The following SPSB2 variants were observed in gnomAD, a reference collection of about 807,000 sequenced individuals.
SPSB2 encodes the protein SPRY domain-containing SOCS box protein 2.
In SPSB2, 25 loss-of-function variants were observed where a neutral mutation model predicts 19.2. That is an observed-to-expected ratio of 1.30 (90% CI 0.95 to 1.82). The LOEUF is 1.82. Ranked by LOEUF, SPSB2 falls within the 40% of genes most tolerant of loss-of-function variation. SPSB2 has a pLI of 0.00. For synonymous variants in SPSB2, 153 were observed against 154.9 expected (o/e 0.99, Z 0.09); for missense variants, 413 against 344.9 (o/e 1.20, Z -1.56).
Position 6,871,237 on chromosome 12 carries a change from G to A in SPSB2, c.747C>T (p.Ala249=), listed in dbSNP as rs781882573. Residue 249 remains alanine (A), a synonymous_variant, in exon 3 of 3, where the codon GCC becomes GCT. Transcript: ENST00000524270. ...LGDTRLGQVS[A]LPLPPAMKRY... is the part of the protein sequence containing the mutation. ...GCTTCATGGCAGGGGGCAAGGGCAG[G>A]GCAGACACCTGGCCGAGCCGGGTAT... 6.2e-6 allele frequency: 10 copies of A among 1,612,708 alleles called. No homozygotes were observed. The African/African-American group carries it at 1.1e-4, about 17-fold the overall frequency.
rs140296621 is a variant in SPSB2 at position 6,872,665 on chromosome 12, C to T, written c.237G>A (p.Arg79=). ...GGCCCCTTGAATAGCCCCTCTTACC[C>T]CGGGCCCCATCAGTGCTCTGGGCCA... The part of the protein sequence containing the change: ...RPVAQSTDGA[R]GKRGYSRGLH... Residue 79 remains arginine, a synonymous_variant, in exon 2 of 3, where the codon CGG becomes CGA. Coordinates refer to ENST00000524270, the MANE Select transcript of SPSB2 (RefSeq NM_032641.4). 1.7e-5 allele frequency: 28 copies of T among 1,612,460 alleles called. No homozygotes were observed. In the East Asian group the frequency reaches 6.2e-4, roughly 36 times the overall value.
intron 1 of SPSB2, 41 bp from the exon 2 acceptor site, chr12:6,873,038 G>A (rs1057379912): frequency 3.2e-6 from 2 of 624,850 alleles, no homozygotes; most frequent in Non-Finnish European, 5.5e-6. Flanking sequence ...CCTGGCGGGG[G>A]CTCGTCACCC....
intron 2 of SPSB2, 155 bp from the exon 3 acceptor site, chr12:6,871,474 TC>T: frequency 1.2e-6 from 1 of 809,520 alleles, no homozygotes; most frequent in Non-Finnish European, 1.9e-6. Context: ...AAGTTCTGCC[TC>T]CCAGATAAGA....
At chr12:6,872,018 G>A in intron 2 of SPSB2, 1 of 1,468,242 alleles carries the variant, frequency 6.8e-7, no homozygotes, top group South Asian at 1.4e-5. Flanking sequence ...CTGGCCAAGA[G>A]AACTTGAGAA....
At position 6,872,258 on chromosome 12, in the gene SPSB2, C is replaced by T. The variant is rs1944610321; in HGVS notation, c.644G>A (p.Arg215His). ...AVWGQCQVRI[R>H]YLGERRAEPH... ...CTCACCTCTCCTTTCGCCCAGGTAG[C>T]GGATGCGGACCTGGCACTGGCCCCA... Residue 215 changes from arginine to histidine, a missense_variant, in exon 2 of 3, where the codon CGC becomes CAC. Arg to His is a conservative substitution (Grantham distance 29). Coordinates refer to ENST00000524270, the MANE Select transcript of SPSB2 (RefSeq NM_032641.4). 2 of 1,614,142 alleles carry T rather than the reference C, an allele frequency of 1.2e-6. No homozygotes were observed. The highest frequency in any genetic ancestry group is 1.3e-5 in the African/African-American group (1 of 75,048).
chr12:6,872,085 G>A (rs781862852), intron 2 of SPSB2, 153 bp downstream of exon 2: 2 of 1,588,284 alleles, frequency 1.3e-6, no homozygotes, highest in South Asian at 2.2e-5. Context: ...TTAAATAACA[G>A]CTGTGAAGAC....
chr12:6,872,601 C>T lies in SPSB2; in HGVS notation c.301G>A (p.Gly101Ser), dbSNP rs1262085787. 1.9e-6 allele frequency: 3 copies of T among 1,608,430 alleles called. No individual in the cohort carries two copies. Among genetic ancestry groups the T allele is most frequent in the African/African-American group, 2.7e-5 (2 of 74,914 alleles). The change falls in exon 2 of 3, where the codon GGC becomes AGC. Residue 101 changes from glycine (G) to serine (S), a missense_variant. Gly to Ser is a moderately conservative substitution (Grantham distance 56). Transcript: ENST00000524270. The part of the protein sequence containing the change: ...WEISWPLEQR[G>S]THAVVGVATA... ...GCCACGCCCACCACGGCATGCGTGC[C>T]CCTCTGCTCTAGGGGCCAGCTGATC...
At chr12:6,871,607 C>A (rs1331521184) in intron 2 of SPSB2, 1 of 499,458 alleles carries the variant, frequency 2.0e-6, no homozygotes, top group South Asian at 2.4e-5. Context: ...GGCTTGGGAG[C>A]TGGGGCTGAG....
chr12:6,872,688 C>T lies in SPSB2; in HGVS notation c.214G>A (p.Ala72Thr), dbSNP rs782734853. ...CCCCGGGCCCCATCAGTGCTCTGGG[C>T]CACGGGCCGCCGCTCAAAGTACAAC... ...GGLYFERRPV[A>T]QSTDGARGKR... Residue 72 changes from alanine to threonine, a missense_variant, in exon 2 of 3, where the codon GCC (alanine) becomes ACC (threonine). Ala to Thr is a moderately conservative substitution (Grantham distance 58). Transcript: ENST00000524270. The T allele has an allele frequency of 1.4e-5, 22 of 1,612,478 alleles. No individual in the cohort carries two copies. The highest frequency in any genetic ancestry group is 1.8e-5 in the Non-Finnish European group (21 of 1,180,008).
Position 6,873,052 on chromosome 12 carries a change from T to C in SPSB2, c.-96-55A>G, listed in dbSNP as rs888406905. 28 of 591,522 alleles carry C rather than the reference T, an allele frequency of 4.7e-5. No individual in the cohort carries two copies. In the East Asian group the frequency reaches 7.9e-4, roughly 17 times the overall value. 36.6% of individuals were successfully genotyped at this position (591,522 alleles called of 1,614,324 possible). A position where few individuals can be genotyped will look rare whatever the true frequency, so the allele number is the denominator to read the frequency against. ...TCCTGGCGGGGGCTCGTCACCCAGGTACCCCATCCTTTCACCCAAGTTTGC... is the reference window on the plus strand; with the variant it reads ...TCCTGGCGGGGGCTCGTCACCCAGGCACCCCATCCTTTCACCCAAGTTTGC... On this transcript the variant is annotated intron_variant, in intron 1 of 2. Coordinates refer to ENST00000524270, the MANE Select transcript of SPSB2 (RefSeq NM_032641.4).
Position 6,871,079 on chromosome 12 carries a change from G to T in SPSB2, c.*113C>A. ...TTTCCGCAGAGCTTGGGTTGGGGTA[G>T]GGGCTCAGCCTCACCAGCTTTCAGC... On this transcript the variant is annotated 3_prime_UTR_variant, in exon 3 of 3. Transcript: ENST00000524270. 7.3e-7 allele frequency: 1 copy of T among 1,379,098 alleles called. No homozygotes were observed. Among genetic ancestry groups the T allele is most frequent in the South Asian group, 1.3e-5 (1 of 77,976 alleles). 85.4% of individuals were successfully genotyped at this position (1,379,098 alleles called of 1,614,324 possible). A position where few individuals can be genotyped will look rare whatever the true frequency, so the allele number is the denominator to read the frequency against.
Position 6,871,207 on chromosome 12 carries a change from G to A in SPSB2, c.777C>T (p.Tyr259=), listed in dbSNP as rs782075236. 6.2e-7 allele frequency: 1 copy of A among 1,605,098 alleles called. No individual in the cohort carries two copies. The highest frequency in any genetic ancestry group is 8.5e-7 in the Non-Finnish European group (1 of 1,175,888). The change falls in exon 3 of 3, where the codon TAC becomes TAT. Residue 259 remains tyrosine (Y), a synonymous_variant. Coordinates refer to ENST00000524270, the MANE Select transcript of SPSB2 (RefSeq NM_032641.4). ...ALPLPPAMKR[Y]LLYQ is the part of the protein sequence containing the mutation. The stretch of plus-strand genomic sequence containing the variant: ...ATCACAGGGCTCACTGGTAGAGCAG[G>A]TAGCGCTTCATGGCAGGGGGCAAGG...
At chr12:6,871,787 A>T (rs7308252) in intron 2 of SPSB2, 304,332 of 404,710 alleles carry the variant, frequency 0.75, 117,188 homozygotes, top group East Asian at 1. Flanking sequence ...GTCTCCATCC[A>T]GAGGTGTGGC....
At chr12:6,871,665 G>A in intron 2 of SPSB2, 1 of 376,266 alleles carries the variant, frequency 2.7e-6, no homozygotes, top group South Asian at 3.5e-5. Context: ...ACTGCAGAGA[G>A]CAGCTCCAAG....
rs1281949697 is a variant in SPSB2 at position 6,871,021 on chromosome 12, C to T, written c.*171G>A. On this transcript the variant is annotated 3_prime_UTR_variant, in exon 3 of 3. Coordinates refer to ENST00000524270, the MANE Select transcript of SPSB2 (RefSeq NM_032641.4). ...ATAGCCTTGAACGCCGGCTCCCTTTCTTCCTCCCTCCAAGTGGCTCTGGGG... is the reference window on the plus strand; with the variant it reads ...ATAGCCTTGAACGCCGGCTCCCTTTTTTCCTCCCTCCAAGTGGCTCTGGGG... 6.4e-6 allele frequency: 5 copies of T among 787,358 alleles called. No individual in the cohort carries two copies. The highest frequency in any genetic ancestry group is 1.0e-5 in the Non-Finnish European group (5 of 482,496). The allele number at this position is 787,358 out of a possible 1,614,324, so 48.8% of individuals were successfully genotyped here.
rs1944595839 is a variant in SPSB2 at position 6,871,613 on chromosome 12, C to T, written c.665-294G>A. 8.2e-6 allele frequency: 4 copies of T among 489,904 alleles called. No homozygotes were observed. In the Admixed American group the frequency reaches 1.1e-4, roughly 14 times the overall value. 30.3% of individuals were successfully genotyped at this position (489,904 alleles called of 1,614,324 possible). A position where few individuals can be genotyped will look rare whatever the true frequency, so the allele number is the denominator to read the frequency against. ...GACTCCAGAGGCTTGGGAGCTGGGG[C>T]TGAGGTGAGGAGGGATGGCCCTCCA... On this transcript the variant is annotated intron_variant, in intron 2 of 2. Transcript: ENST00000524270.
rs376571277 is a variant in SPSB2 at position 6,872,322 on chromosome 12, G to A, written c.580C>T (p.Leu194=). Residue 194 remains leucine (L), a synonymous_variant, in exon 2 of 3, where the codon CTG becomes TTG. Coordinates refer to ENST00000524270, the MANE Select transcript of SPSB2 (RefSeq NM_032641.4). ...GCCGGATAGAGGGTCCTGCCCTTCA[G>A]TCCGCGGAATGCTGGCCCCAGGTAG... ...GTYLGPAFRG[L]KGRTLYPAVS... is the part of the protein sequence containing the mutation. The A allele has an allele frequency of 1.1e-5, 18 of 1,614,100 alleles. No homozygotes were observed. Among genetic ancestry groups the A allele is most frequent in the Non-Finnish European group, 1.5e-5 (18 of 1,180,038 alleles).
In SPSB2 at chr12:6,872,508, C is replaced by T. The variant is rs1555133899; in HGVS notation, c.394G>A (p.Gly132Ser). Reference sequence around the variant, plus strand: ...AGCTTCCCCCGCCCGATGTCCCAGCCCCACGACTCGCTGTTGCTGCCCAGC... The same window carrying T: ...AGCTTCCCCCGCCCGATGTCCCAGCTCCACGACTCGCTGTTGCTGCCCAGC... Reference protein sequence around the residue: ...ALLGSNSESWGWDIGRGKLYH... With the variant: ...ALLGSNSESWSWDIGRGKLYH... The change falls in exon 2 of 3, where the codon GGC (glycine) becomes AGC (serine). Residue 132 changes from glycine to serine, a missense_variant. Coordinates refer to ENST00000524270, the MANE Select transcript of SPSB2 (RefSeq NM_032641.4). 1.2e-6 allele frequency: 2 copies of T among 1,612,586 alleles called. No individual in the cohort carries two copies. Among genetic ancestry groups the T allele is most frequent in the Admixed American group, 1.7e-5 (1 of 60,020 alleles).
chr12:6,873,148 A>C, intron 1 of SPSB2, 98 bp downstream of exon 1: 1 of 459,884 alleles, frequency 2.2e-6, no homozygotes, highest in Non-Finnish European at 3.9e-6. Flanking sequence ...GCCCCATCTG[A>C]TCCAGGTCGC....
Sources: gnomAD v4.1 joint callset for allele counts on GRCh38, gnomAD v4.1.1 for gene constraint, MANE v1.5 for transcripts, NCBI Gene and HGNC (gene_info 2026-07-23, HGNC 2026-07-21) for gene names.